Variants in MDN1 observed in about 807,000 individuals in gnomAD.
MDN1 encodes midasin.
A neutral mutation model predicts 669.2 loss-of-function variants in MDN1; 266 were observed. The ratio of observed to expected loss-of-function variants is 0.40; its 90% confidence interval spans 0.36 to 0.44. MDN1 has a LOEUF of 0.44. Among genes scored for constraint, MDN1 ranks in the 20% least tolerant of loss-of-function variants. The pLI is 1.00. For missense variants in MDN1, 5,940 were observed against 6,754.0 expected, an observed-to-expected ratio of 0.88 and a Z score of 4.22; for synonymous variants, 2,385 against 2,457.1, an observed-to-expected ratio of 0.97 and a Z score of 0.87.
In MDN1 at chr6:89,661,416, T is replaced by C; in HGVS notation, c.14713+15A>G. On this transcript the variant is annotated intron_variant, in intron 88 of 101. Transcript: ENST00000369393. ...TGTGAGTTCTAACCGGTCTCTTTGT[T>C]TCTGAAAGACGCACCTTCTCCTTCT... The C allele has an allele frequency of 6.2e-7, 1 of 1,608,470 alleles. No individual in the cohort carries two copies. Among genetic ancestry groups the C allele is most frequent in the Non-Finnish European group, 8.5e-7 (1 of 1,178,160 alleles).
At chr6:89,680,987 C>A (rs1010744760) in intron 73 of MDN1, among the ~76,000 whole-genome samples, 1 of 152,142 alleles carries the variant, frequency 6.6e-6, no homozygotes, top group Non-Finnish European at 1.5e-5. Context: ...TCCAGCAATG[C>A]TTGCTATGAT....
At chr6:89,768,011 C>T (rs1412557810) in intron 15 of MDN1, among the ~76,000 whole-genome samples, 1 of 151,772 alleles carries the variant, frequency 6.6e-6, no homozygotes, top group African/African-American at 2.4e-5. Context: ...CACTGCACTC[C>T]AGCCTGTGTG....
intron 31 of MDN1, 29 bp from the exon 32 acceptor site, chr6:89,740,407 A>G: frequency 6.4e-7 from 1 of 1,554,500 alleles, no homozygotes; most frequent in South Asian, 1.2e-5. Flanking sequence ...AACAGTGAAA[A>G]GGGCTTATAC....
At chr6:89,743,921 G>A (rs1816427551) in intron 29 of MDN1, among the ~76,000 whole-genome samples, 1 of 151,808 alleles carries the variant, frequency 6.6e-6, no homozygotes, top group African/African-American at 2.4e-5. Context: ...GGTATGTACT[G>A]CACAAACTCC....
chr6:89,801,633 G>C (rs1767669167), intron 2 of MDN1, among the ~76,000 whole-genome samples: 1 of 150,504 alleles, frequency 6.6e-6, no homozygotes. Context: ...CTAGGTGACA[G>C]AGTGAGACTC....
chr6:89,675,545 C>T lies in MDN1; in HGVS notation c.12680G>A (p.Gly4227Glu). Residue 4227 changes from glycine to glutamate, a missense_variant, in exon 78 of 102, where the codon GGG (glycine) becomes GAG (glutamate). By Grantham distance (98) the Gly-to-Glu change is moderately conservative. Coordinates refer to ENST00000369393, the MANE Select transcript of MDN1 (RefSeq NM_014611.3). ...CATCTTCATCAAATGTGCTGAGAAC[C>T]CTCTGCACCTCTCCACGTTGCCCAT... ...MGMGNVERCR[G>E]FSAHLMKMLV... 6.2e-7 allele frequency: 1 copy of T among 1,613,942 alleles called. No individual in the cohort carries two copies. The highest frequency in any genetic ancestry group is 8.5e-7 in the Non-Finnish European group (1 of 1,180,006).
At position 89,815,007 on chromosome 6, in the gene MDN1, G is replaced by C. The variant is rs751074851; in HGVS notation, c.102+4499C>G. The C allele has an allele frequency of 2.6e-4, 157 of 600,312 alleles. 1 individual carries two copies. Among genetic ancestry groups the C allele is most frequent in the Non-Finnish European group, 1.8e-4 (66 of 360,438 alleles). 37.2% of individuals were successfully genotyped at this position (600,312 alleles called of 1,614,324 possible). On this transcript the variant is annotated intron_variant, in intron 1 of 101. Transcript: ENST00000369393. ...CCTGCCAAAGTAGCACCAAGTGTCT[G>C]GTGGAGACCCAGGTGAAGGCCAGGA... is the stretch of plus-strand genomic sequence containing the variant.
intron 2 of MDN1, among the ~76,000 whole-genome samples, chr6:89,795,853 G>A (rs1030722705): frequency 6.6e-6 from 1 of 152,148 alleles, no homozygotes; most frequent in South Asian, 2.1e-4. Context: ...TATTCGGGAC[G>A]TCGAGGCGGG....
intron 53 of MDN1, among the ~76,000 whole-genome samples, chr6:89,704,824 C>A (rs1033027679): frequency 1.3e-5 from 2 of 152,194 alleles, no homozygotes; most frequent in Non-Finnish European, 2.9e-5. Flanking sequence ...TCGTGATCCG[C>A]CCACCTCAGC....
chr6:89,724,186 T>C (rs762618429), intron 38 of MDN1, among the ~76,000 whole-genome samples: 11 of 152,126 alleles, frequency 7.2e-5, no homozygotes, highest in Non-Finnish European at 1.2e-4. Context: ...AAATTTCCTA[T>C]GTATAATGTA....
chr6:89,699,521 A>T, intron 58 of MDN1, 80 bp downstream of exon 58: 1 of 1,464,864 alleles, frequency 6.8e-7, no homozygotes, highest in Non-Finnish European at 9.1e-7. Context: ...AATAAATAAA[A>T]TGTTTCCCAA....
At chr6:89,770,004 A>G (rs758225686) in intron 15 of MDN1, among the ~76,000 whole-genome samples, 7 of 152,178 alleles carry the variant, frequency 4.6e-5, no homozygotes, top group African/African-American at 9.7e-5. Context: ...AGGCCGAGGC[A>G]GGAGGATTGC....
chr6:89,671,975 T>C (rs570527238), intron 82 of MDN1, among the ~76,000 whole-genome samples: 2 of 152,374 alleles, frequency 1.3e-5, no homozygotes, highest in South Asian at 2.1e-4. Flanking sequence ...ATATTCTGAA[T>C]GGTTAGCATT....
intron 85 of MDN1, among the ~76,000 whole-genome samples, chr6:89,663,546 T>G (rs1301672024): frequency 2.6e-5 from 4 of 152,194 alleles, no homozygotes; most frequent in African/African-American, 9.7e-5. Context: ...AAGGGCTGAA[T>G]TATGGTACAA....
intron 87 of MDN1, 126 bp downstream of exon 87, chr6:89,661,961 T>C: frequency 9.1e-7 from 1 of 1,099,682 alleles, no homozygotes; most frequent in South Asian, 1.6e-5. Context: ...GCATATTCTT[T>C]TATGAGGTAA....
At chr6:89,665,809 G>A (rs748835006) in intron 84 of MDN1, among the ~76,000 whole-genome samples, 15 of 152,160 alleles carry the variant, frequency 9.9e-5, no homozygotes, top group Non-Finnish European at 1.5e-4. Flanking sequence ...GGAGGCTGAG[G>A]CGGGCAGATC....
intron 37 of MDN1, among the ~76,000 whole-genome samples, chr6:89,727,350 C>CA (rs1815304739): frequency 6.6e-6 from 1 of 152,178 alleles, no homozygotes; most frequent in Admixed American, 6.5e-5. Context: ...CTCTAGTTGT[C>CA]AGAGATTCAG....
At chr6:89,685,638 A>G (rs1040922850) in intron 70 of MDN1, among the ~76,000 whole-genome samples, 189 bp downstream of exon 70, 2 of 152,222 alleles carry the variant, frequency 1.3e-5, no homozygotes, top group Non-Finnish European at 2.9e-5. Flanking sequence ...AGTCAGTACT[A>G]AACTTATAAC....
At chr6:89,779,526 G>A (rs1385689282) in intron 11 of MDN1, among the ~76,000 whole-genome samples, 1 of 152,154 alleles carries the variant, frequency 6.6e-6, no homozygotes, top group Non-Finnish European at 1.5e-5. Context: ...GCCCTACTGA[G>A]AAAAGTAGAG....
Sources: allele counts gnomAD v4.1 joint callset (sites outside exome capture counted in the v4.1 genomes callset), GRCh38; gene constraint gnomAD v4.1.1; transcripts MANE v1.5; gene names NCBI Gene and HGNC (gene_info 2026-07-23, HGNC 2026-07-21).